The following RANBP2 variants were observed in gnomAD, a reference collection of about 807,000 sequenced individuals.
RANBP2 encodes the protein E3 SUMO-protein ligase RanBP2.
Under a neutral mutation model 303.6 loss-of-function variants are expected in RANBP2, and 57 were observed. The ratio of observed to expected loss-of-function variants is 0.19; its 90% CI spans 0.15 to 0.23. The LOEUF (loss-of-function observed/expected upper bound fraction) is 0.23. Among genes scored for constraint, RANBP2 ranks in the 10% least tolerant of loss-of-function variants. The pLI, the probability that RANBP2 is intolerant of heterozygous loss-of-function variation, is 1.00. For synonymous variants in RANBP2, 1,167 were observed against 1,301.5 expected, an observed-to-expected ratio of 0.90 and a Z score of 2.23; for missense variants, 3,138 against 3,780.8, an observed-to-expected ratio of 0.83 and a Z score of 4.46.
chr2:108,913,945 G>A, the RANBP2 span, among the ~76,000 whole-genome samples: 4 of 46,276 alleles, frequency 8.6e-5, no homozygotes, highest in Admixed American at 4.0e-4. Context: ...GTGCGATTCC[G>A]TCTCAAAAAA....
the RANBP2 span, among the ~76,000 whole-genome samples, chr2:109,226,559 A>C: frequency 6.6e-6 from 1 of 152,202 alleles, no homozygotes; most frequent in Non-Finnish European, 1.5e-5. Context: ...TACTGTTCTT[A>C]GGGTGACTTT....
chr2:109,244,320 A>G, the RANBP2 span, among the ~76,000 whole-genome samples: 2 of 152,218 alleles, frequency 1.3e-5, no homozygotes, highest in African/African-American at 4.8e-5. Flanking sequence ...TTTTGCATCT[A>G]GGAGCAGGTG....
At chr2:108,933,056 C>T in the RANBP2 span, among the ~76,000 whole-genome samples, 6 of 152,306 alleles carry the variant, frequency 3.9e-5, no homozygotes, top group South Asian at 2.1e-4. Flanking sequence ...AACAAATAAA[C>T]ACCCACAAAA....
chr2:109,305,283 G>A, the RANBP2 span, among the ~76,000 whole-genome samples: 6 of 152,220 alleles, frequency 3.9e-5, no homozygotes, highest in South Asian at 4.2e-4. Flanking sequence ...GACTGGAGGC[G>A]TTTTGACTGA....
the RANBP2 span, among the ~76,000 whole-genome samples, chr2:108,927,327 A>G: frequency 6.6e-6 from 1 of 152,208 alleles, no homozygotes; most frequent in Non-Finnish European, 1.5e-5. Flanking sequence ...AGCACTGGAA[A>G]GAATGTTTAA....
In RANBP2 at chr2:108,767,242, G is replaced by A. The variant is rs754546431; in HGVS notation, c.6703G>A (p.Asp2235Asn). 2 of 1,612,070 alleles carry A rather than the reference G, an allele frequency of 1.2e-6. No individual in the cohort carries two copies. Among genetic ancestry groups the A allele is most frequent in the South Asian group, 2.2e-5 (2 of 90,994 alleles). ...DNYDLREDAL[D>N]DSVSSSSVHA... is the part of the protein sequence containing the mutation. ...CTATGATTTAAGGGAAGATGCTTTG[G>A]ATGATAGTGTCAGTAGTAGCTCAGT... The change falls in exon 20 of 29, where the codon GAT becomes AAT. Residue 2235 changes from aspartate (D) to asparagine (N), a missense_variant. By Grantham distance (23) the Asp-to-Asn change is conservative (BLOSUM62 1). Around this residue, in one of 20 missense-constraint regions of RANBP2, gnomAD observed 72 missense variants for 86.8 expected, o/e 0.83. Transcript: ENST00000283195.
At chr2:109,546,813 C>T in the RANBP2 span, among the ~76,000 whole-genome samples, 1 of 152,040 alleles carries the variant, frequency 6.6e-6, no homozygotes, top group African/African-American at 2.4e-5. Flanking sequence ...GAAAGCTTTA[C>T]ATATAAAAAT....
At chr2:109,571,336 T>C in the RANBP2 span, among the ~76,000 whole-genome samples, 4 of 152,238 alleles carry the variant, frequency 2.6e-5, no homozygotes, top group African/African-American at 4.8e-5. Flanking sequence ...TTAGGTGATT[T>C]TGATGTTGCG....
Position 108,763,809 on chromosome 2 carries a change from T to C in RANBP2, c.3270T>C (p.Gly1090=). Residue 1090 remains glycine (G), a synonymous_variant, in exon 20 of 29, where the codon GGT becomes GGC. Coordinates refer to ENST00000283195, the MANE Select transcript of RANBP2 (RefSeq NM_006267.5). ...GYSGAKPIPG[G]QTIGPRNTFN... ...GTGGAGCCAAACCAATTCCTGGTGG[T>C]CAAACCATTGGGCCTCGAAATACAT... is the stretch of plus-strand genomic sequence containing the variant. 6.2e-7 allele frequency: 1 copy of C among 1,614,074 alleles called. No homozygotes were observed. Among genetic ancestry groups the C allele is most frequent in the Non-Finnish European group, 8.5e-7 (1 of 1,179,982 alleles).
At chr2:108,947,374 G>A in the RANBP2 span, among the ~76,000 whole-genome samples, 58 of 152,236 alleles carry the variant, frequency 3.8e-4, no homozygotes, top group Non-Finnish European at 7.5e-4. Flanking sequence ...TACCATTCTC[G>A]GGTCTGGAAA....
chr2:109,457,637 G>A, the RANBP2 span, among the ~76,000 whole-genome samples: 2,464 of 152,308 alleles, frequency 0.016, 64 homozygotes, highest in African/African-American at 0.056. Flanking sequence ...CGGGAGCCCC[G>A]GCACAACTCA....
chr2:109,278,035 G>C, the RANBP2 span, among the ~76,000 whole-genome samples: 2 of 143,970 alleles, frequency 1.4e-5, no homozygotes, highest in African/African-American at 5.0e-5. Flanking sequence ...AAAAAAGCCA[G>C]GCATAGTGTC....
chr2:108,972,427 CCTGG>C, the RANBP2 span, among the ~76,000 whole-genome samples: 2 of 152,248 alleles, frequency 1.3e-5, no homozygotes, highest in East Asian at 3.8e-4. Context: ...GCCCAACCCT[CCTGG>C]CTGGCTTTCA....
At chr2:109,486,945 G>C in the RANBP2 span, among the ~76,000 whole-genome samples, 1 of 152,198 alleles carries the variant, frequency 6.6e-6, no homozygotes, top group Non-Finnish European at 1.5e-5. Flanking sequence ...TTTTCTCCCT[G>C]TGAGGCTGAA....
In RANBP2 at chr2:108,763,850, A is replaced by C; in HGVS notation, c.3311A>C (p.Lys1104Thr). ...CGAAATACATTCAATTTTGGAAGCA[A>C]AAATGTGTCTGGAATTTCATTTACA... The part of the protein sequence containing the change: ...GPRNTFNFGS[K>T]NVSGISFTEN... Residue 1104 changes from lysine to threonine, a missense_variant, in exon 20 of 29, where the codon AAA (lysine) becomes ACA (threonine). By Grantham distance (78) the Lys-to-Thr change is moderately conservative. Coordinates refer to ENST00000283195, the MANE Select transcript of RANBP2 (RefSeq NM_006267.5). 1 of 1,614,124 alleles carries C rather than the reference A, an allele frequency of 6.2e-7. No homozygotes were observed. Among genetic ancestry groups the C allele is most frequent in the African/African-American group, 1.3e-5 (1 of 75,052 alleles).
chr2:109,052,926 CTA>C, the RANBP2 span, among the ~76,000 whole-genome samples: 1 of 152,252 alleles, frequency 6.6e-6, no homozygotes, highest in Non-Finnish European at 1.5e-5. Flanking sequence ...AGACATTTCT[CTA>C]TGTTTGTCCT....
chr2:108,903,323 A>G, the RANBP2 span, among the ~76,000 whole-genome samples: 1 of 152,186 alleles, frequency 6.6e-6, no homozygotes, highest in Non-Finnish European at 1.5e-5. Flanking sequence ...TCCCAGATTG[A>G]TATACAGTTT....
the RANBP2 span, among the ~76,000 whole-genome samples, chr2:109,030,870 A>C: frequency 6.6e-6 from 1 of 152,100 alleles, no homozygotes. Context: ...CCACAGGTGC[A>C]CCACACCCGA....
the RANBP2 span, among the ~76,000 whole-genome samples, chr2:109,228,628 T>A: frequency 6.6e-6 from 1 of 152,198 alleles, no homozygotes; most frequent in Non-Finnish European, 1.5e-5. Flanking sequence ...TCAGGTTACC[T>A]GGAACTTCTG....
Sources: gnomAD v4.1 joint callset for allele counts (sites outside exome capture counted in the v4.1 genomes callset) on GRCh38, gnomAD v4.1.1 for gene constraint, gnomAD v4.1.1 regional missense constraint, MANE v1.5 for transcripts, NCBI Gene and HGNC (gene_info 2026-07-23, HGNC 2026-07-21) for gene names.